CHRNB1: variants seen among roughly 807,000 people sequenced by gnomAD.
The protein encoded by CHRNB1 is acetylcholine receptor subunit beta.
A neutral mutation model predicts 53.8 loss-of-function variants in CHRNB1; 47 were observed. The observed-to-expected ratio is 0.87, with a 90% CI of 0.69 to 1.11. The LOEUF is 1.11. Ranked by LOEUF, CHRNB1 falls within the 50% of genes most tolerant of loss-of-function variation. The probability of loss-of-function intolerance (pLI) is 0.00; values close to 1 mark genes in which losing one functional copy is unlikely to be tolerated. For missense variants in CHRNB1, 605 were observed against 654.9 expected, an observed-to-expected ratio of 0.92 and a Z score of 0.83; for synonymous variants, 259 against 263.5, an observed-to-expected ratio of 0.98 and a Z score of 0.16.
intron 8 of CHRNB1, 95 bp from the exon 9 acceptor site, chr17:7,455,189 C>G (rs913715974): frequency 3.7e-6 from 5 of 1,362,088 alleles, no homozygotes; most frequent in Admixed American, 3.4e-5. Flanking sequence ...CATACTCACG[C>G]GCGGGAATGG....
Position 7,447,579 on chromosome 17 carries a change from G to C in CHRNB1, c.539G>C (p.Ser180Thr). The change falls in exon 6 of 11, where the codon AGC (serine) becomes ACC (threonine). Residue 180 changes from serine (S) to threonine (T), a missense_variant. Ser to Thr is a moderately conservative substitution (Grantham distance 58, BLOSUM62 1). Transcript: ENST00000306071. ...SSYSYDSSEV[S>T]LQTGLGPDGQ... ...TACAGCTACGACAGCTCGGAGGTCA[G>C]CCTGCAGACAGGCCTGGGTCCTGAC... 1 of 1,614,206 alleles carries C rather than the reference G, an allele frequency of 6.2e-7. No individual in the cohort carries two copies. The highest frequency in any genetic ancestry group is 8.5e-7 in the Non-Finnish European group (1 of 1,180,038).
rs977627490 is a variant in CHRNB1 at position 7,445,812 on chromosome 17, G to A, written c.199-257G>A. The A allele has an allele frequency of 1.6e-6, 1 of 620,574 alleles. No homozygotes were observed. Among genetic ancestry groups the A allele is most frequent in the Non-Finnish European group, 2.8e-6 (1 of 355,786 alleles). The allele number at this position is 620,574 out of a possible 1,614,324, so 38.4% of individuals were successfully genotyped here. On this transcript the variant is annotated intron_variant, in intron 2 of 10. Transcript: ENST00000306071. This position sits in a 1 kb window ranked among gnomAD's most constrained non-coding sequence, Gnocchi z 5.7. ...GGATTATGAGCTGAAGGCAGGGCCGGGGACAGAGCTAGGCGGAGGGCTAGG... is the reference window on the plus strand; with the variant it reads ...GGATTATGAGCTGAAGGCAGGGCCGAGGACAGAGCTAGGCGGAGGGCTAGG...
Position 7,454,468 on chromosome 17 carries a change from A to G in CHRNB1, c.992A>G (p.Asn331Ser), listed in dbSNP as rs756292892. 7 of 1,613,942 alleles carry G rather than the reference A, an allele frequency of 4.3e-6. No individual in the cohort carries two copies. The highest frequency in any genetic ancestry group is 2.2e-5 in the South Asian group (2 of 91,080). ...GTCATCCTTAGTGTCGTGGTTCTCAACCTGCACCACCGCTCACCCCACACC... is the reference window on the plus strand; with the variant it reads ...GTCATCCTTAGTGTCGTGGTTCTCAGCCTGCACCACCGCTCACCCCACACC... ...FSVILSVVVLNLHHRSPHTHQ... is the reference protein window; with the variant it reads ...FSVILSVVVLSLHHRSPHTHQ... The change falls in exon 8 of 11, where the codon AAC (asparagine) becomes AGC (serine). Residue 331 changes from asparagine to serine, a missense_variant. By Grantham distance (46) the Asn-to-Ser change is conservative (BLOSUM62 1). Transcript: ENST00000306071.
At position 7,446,962 on chromosome 17, in the gene CHRNB1, C is replaced by A. The variant is rs779891398; in HGVS notation, c.353+20C>A. On this transcript the variant is annotated intron_variant, in intron 4 of 10. Coordinates refer to ENST00000306071, the MANE Select transcript of CHRNB1 (RefSeq NM_000747.3). ...GAACAAGTAGGAGAACTTCCAAAGCCCGGGAGGTGGCGCGGGGCCTCGGGG... is the reference window on the plus strand; with the variant it reads ...GAACAAGTAGGAGAACTTCCAAAGCACGGGAGGTGGCGCGGGGCCTCGGGG... 3 of 1,610,348 alleles carry A rather than the reference C, an allele frequency of 1.9e-6. No individual in the cohort carries two copies. Among genetic ancestry groups the A allele is most frequent in the Non-Finnish European group, 2.5e-6 (3 of 1,177,390 alleles).
chr17:7,445,402 T>G lies in CHRNB1; in HGVS notation c.191T>G (p.Ile64Ser). 2 of 1,611,534 alleles carry G rather than the reference T, an allele frequency of 1.2e-6. No individual in the cohort carries two copies. The highest frequency in any genetic ancestry group is 1.7e-6 in the Non-Finnish European group (2 of 1,179,532). The part of the protein sequence containing the change: ...VSVGLILAQL[I>S]SLNEKDEEMS... The stretch of plus-strand genomic sequence containing the variant: ...GTTGGTCTCATCCTGGCGCAACTCA[T>G]CAGCCTGGTGAGGGCGCGCGGGGGG... The change falls in exon 2 of 11, where the codon ATC (isoleucine) becomes AGC (serine). Residue 64 changes from isoleucine (I) to serine (S), a missense_variant. Ile to Ser is a moderately radical substitution (Grantham distance 142, BLOSUM62 -2). Coordinates refer to ENST00000306071, the MANE Select transcript of CHRNB1 (RefSeq NM_000747.3). This position sits in a 1 kb window ranked among gnomAD's most constrained non-coding sequence, Gnocchi z 5.7.
intron 7 of CHRNB1, among the ~76,000 whole-genome samples, chr17:7,451,629 G>A (rs1567678800): frequency 2.0e-5 from 3 of 152,016 alleles, no homozygotes. Context: ...GCCCAGGAAG[G>A]CCACATGCAC....
intron 5 of CHRNB1, 77 bp from the exon 6 acceptor site, chr17:7,447,426 C>T: frequency 6.5e-7 from 1 of 1,549,120 alleles, no homozygotes; most frequent in South Asian, 1.1e-5. Flanking sequence ...TTCTCTGTGC[C>T]CTCCCCAAAG....
At chr17:7,446,305 G>T (rs960267897) in intron 3 of CHRNB1, 192 bp downstream of exon 3, 105 of 342,210 alleles carry the variant, frequency 3.1e-4, no homozygotes, top group Non-Finnish European at 2.5e-4. Flanking sequence ...TTCCAATTTT[G>T]TGTGTGTGTG....
At chr17:7,455,991 C>A in intron 10 of CHRNB1, 50 bp downstream of exon 10, 1 of 1,590,332 alleles carries the variant, frequency 6.3e-7, no homozygotes, top group Non-Finnish European at 8.6e-7. Flanking sequence ...ACCTTGGCCC[C>A]ACCCCCAAAT....
chr17:7,448,834 T>A (rs1354281449), intron 7 of CHRNB1, 46 bp downstream of exon 7: 2 of 1,585,930 alleles, frequency 1.3e-6, no homozygotes, highest in East Asian at 4.5e-5. Context: ...TGGCTCAGCT[T>A]CTTACTCTTT....
rs1908579588 is a variant in CHRNB1, at chr17:7,445,742, C to T, written c.199-327C>T. 2.6e-6 allele frequency: 2 copies of T among 754,820 alleles called. No homozygotes were observed. The highest frequency in any genetic ancestry group is 6.0e-5 in the Admixed American group (2 of 33,466). 46.8% of individuals were successfully genotyped at this position (754,820 alleles called of 1,614,324 possible). On this transcript the variant is annotated intron_variant, in intron 2 of 10. Coordinates refer to ENST00000306071, the MANE Select transcript of CHRNB1 (RefSeq NM_000747.3). The surrounding 1 kb of genome is among the most constrained non-coding windows in gnomAD (Gnocchi z 5.7). ...GCCCAGGGTGGGGCGGAGCTTGGTGCTCAGGGGTCAATAAATGGCAGCGGG... is the reference window on the plus strand; with the variant it reads ...GCCCAGGGTGGGGCGGAGCTTGGTGTTCAGGGGTCAATAAATGGCAGCGGG...
chr17:7,456,456 T>G, intron 10 of CHRNB1, 127 bp from the exon 11 acceptor site: 1 of 1,213,688 alleles, frequency 8.2e-7, no homozygotes, highest in South Asian at 1.2e-5. Context: ...GCTCTCCTGT[T>G]GGCGCTGCCG....
intron 7 of CHRNB1, among the ~76,000 whole-genome samples, chr17:7,450,350 G>T (rs949636840): frequency 6.6e-6 from 1 of 152,036 alleles, no homozygotes; most frequent in Middle Eastern, 3.4e-3. Flanking sequence ...CACTATGTTG[G>T]CCAGGCTGGT....
intron 10 of CHRNB1, 105 bp downstream of exon 10, chr17:7,456,046 T>TTG: frequency 1.7e-5 from 15 of 895,334 alleles, no homozygotes; most frequent in Non-Finnish European, 2.5e-5. Context: ...GGTTTTTTTT[T>TTG]GGCTTTTTTT....
At chr17:7,446,754 C>A in intron 3 of CHRNB1, 79 bp from the exon 4 acceptor site, 1 of 1,164,750 alleles carries the variant, frequency 8.6e-7, no homozygotes, top group Non-Finnish European at 1.3e-6. Flanking sequence ...CTTGCACTCC[C>A]TTCCTGGGCT....
In CHRNB1 at chr17:7,446,501, T is replaced by A. The variant is rs1254032577; in HGVS notation, c.244-332T>A. ...AGCCACTGCACCTGGCCCATTCTAA[T>A]TTTTGAAACACTGGTTTGGGGCCGC... On this transcript the variant is annotated intron_variant, in intron 3 of 10. Coordinates refer to ENST00000306071, the MANE Select transcript of CHRNB1 (RefSeq NM_000747.3). The A allele has an allele frequency of 1.7e-5, 9 of 515,186 alleles. No homozygotes were observed. In the East Asian group the frequency reaches 3.2e-4, roughly 18 times the overall value. 31.9% of individuals were successfully genotyped at this position (515,186 alleles called of 1,614,324 possible).
intron 9 of CHRNB1, 145 bp from the exon 10 acceptor site, chr17:7,455,649 T>A: frequency 1.5e-6 from 2 of 1,291,538 alleles, no homozygotes; most frequent in Non-Finnish European, 2.2e-6. Context: ...TGCACAAGGC[T>A]AGAGAGATCA....
chr17:7,455,367 T>C lies in CHRNB1; in HGVS notation c.1128T>C (p.Cys376=). 1 of 1,614,188 alleles carries C rather than the reference T, an allele frequency of 6.2e-7. No homozygotes were observed. The highest frequency in any genetic ancestry group is 8.5e-7 in the Non-Finnish European group (1 of 1,180,024). The change falls in exon 9 of 11, where the codon TGT becomes TGC. Residue 376 remains cysteine (C), a synonymous_variant. Transcript: ENST00000306071. ...ACCTGATGCCGGAGCCCCCTCACTG[T>C]TCTTCTCCAGGAAGTGGCTGGGGTC... ...ERDLMPEPPH[C]SSPGSGWGRG...
In CHRNB1 at chr17:7,446,833, G is replaced by A; in HGVS notation, c.244G>A (p.Glu82Lys). ...AGCCCCTCAGCCTCTGCTTCACTAG[G>A]AGTGGACTGACTACAGGCTGAGCTG... ...EMSTKVYLDLEWTDYRLSWDP... is the reference protein window; with the variant it reads ...EMSTKVYLDLKWTDYRLSWDP... The change falls in exon 4 of 11, where the codon GAG (glutamate) becomes AAG (lysine). Residue 82 changes from glutamate (E) to lysine (K), a missense_variant and splice_region_variant. By Grantham distance (56) the Glu-to-Lys change is moderately conservative. Transcript: ENST00000306071. The A allele has an allele frequency of 1.2e-6, 2 of 1,613,022 alleles. No homozygotes were observed. Among genetic ancestry groups the A allele is most frequent in the Non-Finnish European group, 1.7e-6 (2 of 1,179,298 alleles).
Sources: allele counts gnomAD v4.1 joint callset (sites outside exome capture counted in the v4.1 genomes callset), GRCh38; gene constraint gnomAD v4.1.1; non-coding constraint Gnocchi (gnomAD v3.1); transcripts MANE v1.5; gene names NCBI Gene and HGNC (gene_info 2026-07-23, HGNC 2026-07-21).